Variants in FCRL6 observed in about 807,000 individuals in gnomAD.
FCRL6 encodes the protein Fc receptor like 6.
In FCRL6, 50 loss-of-function variants were observed where a neutral mutation model predicts 49.1. The observed-to-expected ratio is 1.02, with a 90% confidence interval of 0.81 to 1.29. FCRL6 has a LOEUF of 1.29. Ranked by LOEUF, FCRL6 falls within the 50% of genes most tolerant of loss-of-function variation. FCRL6 has a pLI of 0.00. For synonymous variants in FCRL6, 213 were observed against 199.6 expected (o/e 1.07, Z -0.57); for missense variants, 571 against 518.5 (o/e 1.10, Z -0.98).
chr1:159,809,464 A>G lies in FCRL6; in HGVS notation c.667A>G (p.Met223Val), dbSNP rs775564481. 5.6e-6 allele frequency: 9 copies of G among 1,613,964 alleles called. No homozygotes were observed. Among genetic ancestry groups the G allele is most frequent in the African/African-American group, 1.3e-5 (1 of 75,022 alleles). ...GCCTGCTGACCCTGCTGTGGGGGAC[A>G]TGGTGCAGCTCCTCTGTGAGGCACA... Reference protein sequence around the residue: ...HGPADPAVGDMVQLLCEAQRG... With the variant: ...HGPADPAVGDVVQLLCEAQRG... Residue 223 changes from methionine (M) to valine (V), a missense_variant, in exon 5 of 10, where the codon ATG becomes GTG. Met to Val is a conservative substitution (Grantham distance 21). Transcript: ENST00000368106.
intron 1 of FCRL6, among the ~76,000 whole-genome samples, chr1:159,805,922 C>A (rs531591432): frequency 1.3e-5 from 2 of 152,324 alleles, no homozygotes; most frequent in African/African-American, 4.8e-5. Context: ...CACATTCGTA[C>A]AAGAGTCTAG....
At chr1:159,807,240 G>A (rs1355585126) in intron 2 of FCRL6, among the ~76,000 whole-genome samples, 1 of 152,246 alleles carries the variant, frequency 6.6e-6, no homozygotes, top group African/African-American at 2.4e-5. Flanking sequence ...TCCAGGGTGA[G>A]GAGAGTGGGT....
rs752080265 is a variant in FCRL6, at chr1:159,808,258, A to ACTTCCCTTCCT, written c.134_135insTTCCCTTCCTC (p.Pro46SerfsTer9). 1.4e-5 allele frequency: 23 copies of ACTTCCCTTCCT among 1,613,484 alleles called. No homozygotes were observed. The highest frequency in any genetic ancestry group is 1.8e-5 in the Non-Finnish European group (21 of 1,179,352). ...TCTGCGATGTCAGGGATGGAAGAAT[A>ACTTCCCTTCCT]CACCACTGTCTCAGGTGAAGTTCTA... On this transcript the variant is annotated frameshift_variant, in exon 3 of 10. Transcript: ENST00000368106. LOFTEE classifies it high-confidence loss of function.
Position 159,815,501 on chromosome 1 carries a change from A to G in FCRL6, c.1180-35A>G, listed in dbSNP as rs1571117698. On this transcript the variant is annotated intron_variant, in intron 9 of 9. Transcript: ENST00000368106. ...GCTCCTTTCTCACCCTCTCTCTTAC[A>G]TTTGCTTCCTCATCCTGAGCCAACT... 1.9e-6 allele frequency: 3 copies of G among 1,613,986 alleles called. No individual in the cohort carries two copies. The Admixed American group carries it at 5.0e-5, about 27-fold the overall frequency.
chr1:159,807,318 A>T (rs1203256923), intron 2 of FCRL6, among the ~76,000 whole-genome samples: 1 of 152,076 alleles, frequency 6.6e-6, no homozygotes, highest in Non-Finnish European at 1.5e-5. Flanking sequence ...ACTCCTCATT[A>T]GTCTCAGGCC....
At chr1:159,814,600 C>T (rs1028479808) in intron 8 of FCRL6, among the ~76,000 whole-genome samples, 3 of 152,182 alleles carry the variant, frequency 2.0e-5, no homozygotes, top group African/African-American at 7.2e-5. Flanking sequence ...CACACTGTTA[C>T]CATGATAAGT....
upstream of FCRL6, chr1:159,800,621 GA>G (rs1395772889): frequency 6.5e-7 from 1 of 1,549,070 alleles, no homozygotes; most frequent in East Asian, 2.4e-5. Flanking sequence ...TAGGTGAGTG[GA>G]CAAGATTTCT....
At chr1:159,808,862 C>T (rs750826370) in intron 3 of FCRL6, 99 bp from the exon 4 acceptor site, 699 of 1,320,154 alleles carry the variant, frequency 5.3e-4, no homozygotes, top group Non-Finnish European at 6.8e-4. Flanking sequence ...TCGGGGTCCC[C>T]GGGCTGCAGC....
chr1:159,812,626 C>T (rs1482562091), intron 6 of FCRL6, among the ~76,000 whole-genome samples: 1 of 152,236 alleles, frequency 6.6e-6, no homozygotes, highest in Non-Finnish European at 1.5e-5. Context: ...GCTCATTTCT[C>T]AGCCCTGACG....
In FCRL6 at chr1:159,808,063, A is replaced by G. The variant is rs112714532; in HGVS notation, c.53-115A>G. On this transcript the variant is annotated intron_variant, in intron 2 of 9. Coordinates refer to ENST00000368106, the MANE Select transcript of FCRL6 (RefSeq NM_001004310.3). ...GGACTGGAGACAGTGACACCATACC[A>G]GTGCCATCCAAGGGCCTCCATCCCC... The G allele has an allele frequency of 9.2e-5, 104 of 1,130,818 alleles. No individual in the cohort carries two copies. In the African/African-American group the frequency reaches 1.2e-3, roughly 13 times the overall value. The allele number at this position is 1,130,818 out of a possible 1,614,324, so 70.0% of individuals were successfully genotyped here. A position where few individuals can be genotyped will look rare whatever the true frequency, so the allele number is the denominator to read the frequency against.
chr1:159,804,253 C>T (rs1438612489), intron 1 of FCRL6, among the ~76,000 whole-genome samples: 1 of 152,124 alleles, frequency 6.6e-6, no homozygotes, highest in Admixed American at 6.5e-5. Context: ...CATGTTGAGC[C>T]GAAATCTGCC....
chr1:159,806,417 G>A (rs913288636), intron 1 of FCRL6, among the ~76,000 whole-genome samples, 179 bp from the exon 2 acceptor site: 2 of 151,954 alleles, frequency 1.3e-5, no homozygotes, highest in African/African-American at 4.8e-5. Flanking sequence ...GGGTTGTTTG[G>A]TGGTTGAGTG....
At chr1:159,815,167 G>T (rs1474672475) in intron 8 of FCRL6, among the ~76,000 whole-genome samples, 1 of 152,182 alleles carries the variant, frequency 6.6e-6, no homozygotes, top group Admixed American at 6.5e-5. Flanking sequence ...CCCATAAATG[G>T]CAGTAGGGGA....
intron 1 of FCRL6, among the ~76,000 whole-genome samples, chr1:159,804,551 G>A (rs920639647): frequency 1.3e-5 from 2 of 152,218 alleles, no homozygotes; most frequent in African/African-American, 4.8e-5. Flanking sequence ...ATAGCTAATG[G>A]AGGTCCCTGG....
At chr1:159,806,343 C>T (rs988014811) in intron 1 of FCRL6, among the ~76,000 whole-genome samples, 4 of 151,850 alleles carry the variant, frequency 2.6e-5, no homozygotes, top group South Asian at 2.1e-4. Context: ...GTCAAGTGGC[C>T]GGGTGGTTGG....
At chr1:159,815,287 G>T in intron 8 of FCRL6, 141 bp from the exon 9 acceptor site, 2 of 811,078 alleles carry the variant, frequency 2.5e-6, no homozygotes, top group South Asian at 1.8e-5. Flanking sequence ...CCCAATTCCA[G>T]GTTGAGGAGG....
rs1423072537 is a variant in FCRL6, at chr1:159,808,857, G to T, written c.320-104G>T. 6.3e-6 allele frequency: 8 copies of T among 1,263,972 alleles called. No homozygotes were observed. The Admixed American group carries it at 1.5e-4, about 24-fold the overall frequency. The allele number at this position is 1,263,972 out of a possible 1,614,324, so 78.3% of individuals were successfully genotyped here. ...AGGGATGAAACTGCCTCCCATCGGG[G>T]TCCCCGGGCTGCAGCCTGAGATGAG... On this transcript the variant is annotated intron_variant, in intron 3 of 9. Transcript: ENST00000368106.
At chr1:159,802,316 A>G, upstream of FCRL6, 4 of 1,225,110 alleles carry the variant, frequency 3.3e-6, no homozygotes, top group Non-Finnish European at 4.7e-6. Flanking sequence ...AGCACCACCC[A>G]GCTCAGGCCA....
chr1:159,807,986 G>C lies in FCRL6; in HGVS notation c.53-192G>C, dbSNP rs374203235. Reference sequence around the variant, plus strand: ...GAAGAGGAAGGAGAGAAGAAGGAAAGGAAGGAGGAGTAAAGGAAGTCCAGG... The same window carrying C: ...GAAGAGGAAGGAGAGAAGAAGGAAACGAAGGAGGAGTAAAGGAAGTCCAGG... On this transcript the variant is annotated intron_variant, in intron 2 of 9. Coordinates refer to ENST00000368106, the MANE Select transcript of FCRL6 (RefSeq NM_001004310.3). Among the ~76,000 whole-genome samples the C allele has an allele frequency of 5.3e-5, 8 of 152,072 alleles. No individual in the cohort carries two copies. In the East Asian group the frequency reaches 7.7e-4, roughly 15 times the overall value.
Sources: allele counts gnomAD v4.1 joint callset (sites outside exome capture counted in the v4.1 genomes callset), GRCh38; gene constraint gnomAD v4.1.1; transcripts MANE v1.5; gene names NCBI Gene and HGNC (gene_info 2026-07-23, HGNC 2026-07-21).